Variants in ZFAND1 observed in about 807,000 individuals in gnomAD.
ZFAND1 encodes zinc finger AN1-type containing 1, also known as AN1-type zinc finger protein 1.
A neutral mutation model predicts 38.5 loss-of-function variants in ZFAND1; 40 were observed. That is an observed-to-expected ratio of 1.04 (90% CI 0.81 to 1.35). ZFAND1 has a LOEUF of 1.35. Ranked by LOEUF, ZFAND1 falls within the 40% of genes most tolerant of loss-of-function variation. The pLI, the probability that ZFAND1 is intolerant of heterozygous loss-of-function variation, is 0.00. For synonymous variants in ZFAND1, 117 were observed against 103.6 expected (o/e 1.13, Z -0.78); for missense variants, 346 against 316.3 (o/e 1.09, Z -0.71).
chr8:81,708,268 A>C (rs944605216), intron 6 of ZFAND1, among the ~76,000 whole-genome samples: 3 of 150,220 alleles, frequency 2.0e-5, no homozygotes, highest in Non-Finnish European at 4.4e-5. Context: ...AAAAAAAAAA[A>C]GGCTAATGCA....
At chr8:81,708,376 G>A (rs1030633370) in intron 6 of ZFAND1, among the ~76,000 whole-genome samples, 11 of 151,756 alleles carry the variant, frequency 7.2e-5, no homozygotes, top group African/African-American at 2.4e-4. Flanking sequence ...ATATTGCTAT[G>A]TCAATTAGAA....
At chr8:81,720,976 C>T in intron 1 of ZFAND1, 2 of 529,662 alleles carry the variant, frequency 3.8e-6, no homozygotes, top group Non-Finnish European at 6.7e-6. Flanking sequence ...TCCCACCCCG[C>T]TCCTCAGGCC....
intron 3 of ZFAND1, 112 bp downstream of exon 3, chr8:81,717,137 A>T: frequency 1.2e-6 from 1 of 809,186 alleles, no homozygotes; most frequent in Non-Finnish European, 1.9e-6. Flanking sequence ...TAATCAGTTT[A>T]GTATGCCAAA....
At chr8:81,710,819 A>T (rs1371521277) in intron 6 of ZFAND1, among the ~76,000 whole-genome samples, 1 of 152,204 alleles carries the variant, frequency 6.6e-6, no homozygotes, top group Admixed American at 6.5e-5. Context: ...GTAACTCTAC[A>T]AACTATTAGA....
intron 6 of ZFAND1, among the ~76,000 whole-genome samples, chr8:81,710,526 C>G (rs897097710): frequency 6.6e-6 from 1 of 151,636 alleles, no homozygotes; most frequent in African/African-American, 2.4e-5. Flanking sequence ...TCAAATACAC[C>G]AATGACCACC....
Position 81,714,962 on chromosome 8 carries a change from G to A in ZFAND1, c.266+25C>T, listed in dbSNP as rs765929349. The A allele has an allele frequency of 2.2e-4, 354 of 1,614,048 alleles. 1 individual carries two copies. The highest frequency in any genetic ancestry group is 8.7e-4 in the South Asian group (79 of 91,082). On this transcript the variant is annotated intron_variant, in intron 4 of 7. Transcript: ENST00000220669. ...TAGCACTTAAACAGATATACAAAGTGTGAACAGCCTAAGTGATCAATCACC... is the reference window on the plus strand; with the variant it reads ...TAGCACTTAAACAGATATACAAAGTATGAACAGCCTAAGTGATCAATCACC...
At chr8:81,704,927 G>GAAA (rs999519918) in intron 6 of ZFAND1, among the ~76,000 whole-genome samples, 4 of 150,972 alleles carry the variant, frequency 2.6e-5, no homozygotes, top group Admixed American at 6.6e-5. Flanking sequence ...TATAGAAAGA[G>GAAA]AAAATTGATA....
At chr8:81,721,185 T>A in intron 1 of ZFAND1, 42 bp downstream of exon 1, 9 of 1,543,940 alleles carry the variant, frequency 5.8e-6, no homozygotes, top group Non-Finnish European at 7.9e-6. Flanking sequence ...GGAGCCCTGG[T>A]CTCCCGCGGC....
intron 6 of ZFAND1, among the ~76,000 whole-genome samples, chr8:81,711,596 A>T (rs1296226504): frequency 6.6e-6 from 1 of 152,210 alleles, no homozygotes; most frequent in Non-Finnish European, 1.5e-5. Context: ...AACACTACGA[A>T]AAAATAAGGA....
At chr8:81,716,151 G>A (rs1033012433) in intron 3 of ZFAND1, among the ~76,000 whole-genome samples, 1 of 152,218 alleles carries the variant, frequency 6.6e-6, no homozygotes. Flanking sequence ...ATAACTGAGA[G>A]AACAGATGTG....
In ZFAND1 at chr8:81,713,920, G is replaced by A; in HGVS notation, c.478C>T (p.Gln160Ter). Residue 160 changes from glutamine (Q) to a stop codon, truncating the protein, a stop_gained and splice_region_variant, in exon 6 of 8, where the codon CAG (glutamine) becomes TAG (stop). Coordinates refer to ENST00000220669, the MANE Select transcript of ZFAND1 (RefSeq NM_024699.3). LOFTEE classifies it high-confidence loss of function. The part of the protein sequence containing the change: ...MHADGDKSLP[Q>*]TERIYFQVFL... Reference sequence around the variant, plus strand: ...TTTAAAAAATCTCTAAGACCAACCTGTGGTAATGACTTATCGCCATCAGCA... The same window carrying A: ...TTTAAAAAATCTCTAAGACCAACCTATGGTAATGACTTATCGCCATCAGCA... 1 of 1,612,990 alleles carries A rather than the reference G, an allele frequency of 6.2e-7. No individual in the cohort carries two copies. The highest frequency in any genetic ancestry group is 8.5e-7 in the Non-Finnish European group (1 of 1,179,706).
chr8:81,715,168 A>T, intron 3 of ZFAND1, 54 bp from the exon 4 acceptor site: 1 of 1,583,756 alleles, frequency 6.3e-7, no homozygotes, highest in South Asian at 1.1e-5. Context: ...AAACAAATCA[A>T]TGTGTCTTAT....
intron 5 of ZFAND1, 167 bp from the exon 6 acceptor site, chr8:81,714,206 A>C: frequency 1.6e-6 from 1 of 614,730 alleles, no homozygotes; most frequent in Non-Finnish European, 2.6e-6. Context: ...TGTCAATGGA[A>C]AAATATCATT....
intron 6 of ZFAND1, among the ~76,000 whole-genome samples, chr8:81,704,510 G>C (rs78433470): frequency 7.2e-6 from 1 of 138,790 alleles, no homozygotes; most frequent in Non-Finnish European, 1.5e-5. Context: ...CTGTACTCCA[G>C]CCAGGGCAAC....
intron 6 of ZFAND1, 102 bp downstream of exon 6, chr8:81,713,815 AT>A: frequency 8.6e-7 from 1 of 1,156,608 alleles, no homozygotes; most frequent in South Asian, 1.3e-5. Context: ...AGAATGATAC[AT>A]ACCAGGTTTA....
chr8:81,715,670 A>T (rs75936526), intron 3 of ZFAND1, among the ~76,000 whole-genome samples: 3,992 of 152,166 alleles, frequency 0.026, 87 homozygotes, highest in East Asian at 0.086. Context: ...AAAAAATTCT[A>T]AATCAGCCAG....
Position 81,715,064 on chromosome 8 carries a change from T to C in ZFAND1, c.189A>G (p.Pro63=). The C allele has an allele frequency of 6.2e-7, 1 of 1,614,044 alleles. No individual in the cohort carries two copies. The highest frequency in any genetic ancestry group is 8.5e-7 in the Non-Finnish European group (1 of 1,179,950). The part of the protein sequence containing the change: ...RLKTDQHTSY[P]CSFKDCAERE... ...TCTCAGCACAGTCTTTGAAAGAGCA[T>C]GGGTAAGATGTATGTTGATCTGTCT... The change falls in exon 4 of 8, where the codon CCA becomes CCG. Residue 63 remains proline (P), a synonymous_variant. Coordinates refer to ENST00000220669, the MANE Select transcript of ZFAND1 (RefSeq NM_024699.3).
Position 81,719,797 on chromosome 8 carries a change from T to C in ZFAND1, c.55+1430A>G, listed in dbSNP as rs368306682. ...CAGTTATTGACACTAAAGACATATA[T>C]AGCTGGAAAGGAAAATGAACTATGT... On this transcript the variant is annotated intron_variant, in intron 1 of 7. Transcript: ENST00000220669. Among the ~76,000 whole-genome samples the C allele has an allele frequency of 1.1e-4, 16 of 152,238 alleles. No individual in the cohort carries two copies. In the East Asian group the frequency reaches 1.5e-3, roughly 15 times the overall value.
chr8:81,704,820 T>G (rs1224468931), intron 6 of ZFAND1, among the ~76,000 whole-genome samples: 1 of 151,978 alleles, frequency 6.6e-6, no homozygotes, highest in Non-Finnish European at 1.5e-5. Context: ...TAACGAGTAT[T>G]AAAAGAAAAA....
Sources: gnomAD v4.1 joint callset for allele counts (sites outside exome capture counted in the v4.1 genomes callset) on GRCh38, gnomAD v4.1.1 for gene constraint, MANE v1.5 for transcripts, NCBI Gene and HGNC (gene_info 2026-07-23, HGNC 2026-07-21) for gene names.